PTPRK: variants seen among roughly 807,000 people sequenced by gnomAD.
The protein encoded by PTPRK is receptor-type tyrosine-protein phosphatase kappa.
Under a neutral mutation model 178.0 loss-of-function variants are expected in PTPRK, and 75 were observed. The observed-to-expected ratio is 0.42, with a 90% CI of 0.35 to 0.51. PTPRK has a LOEUF of 0.51. Among genes scored for constraint, PTPRK ranks in the 20% least tolerant of loss-of-function variants. The pLI, the probability that PTPRK is intolerant of heterozygous loss-of-function variation, is 0.02. For synonymous variants in PTPRK, 637 were observed against 620.6 expected, an observed-to-expected ratio of 1.03 and a Z score of -0.39; for missense variants, 1,441 against 1,797.8, an observed-to-expected ratio of 0.80 and a Z score of 3.59.
chr6:127,998,669 T>G, intron 16 of PTPRK, 51 bp downstream of exon 16: 1 of 1,432,548 alleles, frequency 7.0e-7, no homozygotes, highest in Non-Finnish European at 9.4e-7. Flanking sequence ...TAAATTCCAC[T>G]GAGTATCATA....
At chr6:128,476,100 C>T (rs921831156) in intron 1 of PTPRK, among the ~76,000 whole-genome samples, 6 of 152,016 alleles carry the variant, frequency 3.9e-5, no homozygotes, top group South Asian at 2.1e-4. Context: ...AGGACATTCA[C>T]AGTACAGATT....
rs1026535088 is a variant in PTPRK, at chr6:127,970,314, C to T, written c.4270-34G>A. The T allele has an allele frequency of 2.6e-6, 4 of 1,567,948 alleles. No individual in the cohort carries two copies. In the African/African-American group the frequency reaches 5.4e-5, roughly 21 times the overall value. On this transcript the variant is annotated intron_variant, in intron 29 of 29. Transcript: ENST00000368226. ...TGTCAAAACACAAAGAGTGAGAAAA[C>T]TTAAGAAAGAGACTAATGTTGAATA...
At chr6:128,184,836 A>G in intron 6 of PTPRK, 111 bp from the exon 7 acceptor site, 2 of 1,106,294 alleles carry the variant, frequency 1.8e-6, no homozygotes, top group African/African-American at 1.6e-5. Flanking sequence ...GAAATGCATA[A>G]TAAATACTTG....
At chr6:128,437,258 G>A (rs907842915) in intron 1 of PTPRK, among the ~76,000 whole-genome samples, 6 of 152,134 alleles carry the variant, frequency 3.9e-5, no homozygotes, top group South Asian at 2.1e-4. Context: ...AAAGATAAGC[G>A]TAATATAAGA....
Position 128,496,474 on chromosome 6 carries a change from T to C in PTPRK, c.100+23785A>G, listed in dbSNP as rs150384454. On this transcript the variant is annotated intron_variant, in intron 1 of 29. Transcript: ENST00000368226. ...CAGAATGTTGTAAATATGGTTAGCA[T>C]TTAATGAATATTTGATGAATAACCA... Among the ~76,000 whole-genome samples the C allele has an allele frequency of 5.1e-3, 779 of 152,326 alleles. 7 individuals are homozygous for C. The highest frequency in any genetic ancestry group is 0.018 in the African/African-American group (739 of 41,576).
At chr6:128,485,717 GA>G (rs1852729234) in intron 1 of PTPRK, among the ~76,000 whole-genome samples, 1 of 152,158 alleles carries the variant, frequency 6.6e-6, no homozygotes, top group African/African-American at 2.4e-5. Flanking sequence ...CACCACCAAA[GA>G]AAGGATTTCG....
intron 13 of PTPRK, among the ~76,000 whole-genome samples, chr6:128,048,237 C>G (rs1778399410): frequency 6.6e-6 from 1 of 152,134 alleles, no homozygotes; most frequent in African/African-American, 2.4e-5. Flanking sequence ...AATTCTTGGG[C>G]CTCTTTCCAG....
intron 5 of PTPRK, among the ~76,000 whole-genome samples, chr6:128,222,585 T>C (rs1810614543): frequency 6.6e-6 from 1 of 152,186 alleles, no homozygotes; most frequent in East Asian, 1.9e-4. Context: ...CTGTGACAGT[T>C]TCCTCTCGAA....
chr6:128,222,963 A>T (rs1395281243), intron 5 of PTPRK, among the ~76,000 whole-genome samples: 1 of 152,138 alleles, frequency 6.6e-6, no homozygotes, highest in Non-Finnish European at 1.5e-5. Context: ...CCATCAGCTC[A>T]TATATACTCT....
At position 128,299,618 on chromosome 6, in the gene PTPRK, C is replaced by T. The variant is rs1009128089; in HGVS notation, c.495+22421G>A. ...ACAAACCTGAGAAAAACAAGCAATG[C>T]GGAAAGGATTCCCTATTTAATAAAT... On this transcript the variant is annotated intron_variant, in intron 3 of 29. Transcript: ENST00000368226. 2.7e-4 allele frequency among the ~76,000 whole-genome samples: 41 copies of T among 151,082 alleles called. 1 individual carries two copies. The highest frequency in any genetic ancestry group is 4.2e-4 in the South Asian group (2 of 4,802).
intron 27 of PTPRK, among the ~76,000 whole-genome samples, chr6:127,975,990 T>A (rs911214003): frequency 8.6e-5 from 13 of 152,000 alleles, no homozygotes; most frequent in Admixed American, 8.5e-4. Flanking sequence ...CTTTTTTTTT[T>A]AAGATCTTCC....
At chr6:128,163,014 A>C (rs1302443789) in intron 7 of PTPRK, among the ~76,000 whole-genome samples, 2 of 151,476 alleles carry the variant, frequency 1.3e-5, no homozygotes, top group African/African-American at 2.4e-5. Flanking sequence ...TATGAATAAC[A>C]TTATGCTTAA....
chr6:128,510,527 TAG>T (rs1857013554), intron 1 of PTPRK, among the ~76,000 whole-genome samples: 1 of 152,180 alleles, frequency 6.6e-6, no homozygotes, highest in Admixed American at 6.5e-5. Context: ...TCAAAAATAG[TAG>T]AGTTAGTAGG....
intron 1 of PTPRK, among the ~76,000 whole-genome samples, chr6:128,484,581 G>A (rs1212588124): frequency 6.6e-6 from 1 of 151,998 alleles, no homozygotes; most frequent in African/African-American, 2.4e-5. Flanking sequence ...TGTCCCCATG[G>A]TTACAAGTAA....
At chr6:128,235,997 T>G (rs571169633) in intron 5 of PTPRK, among the ~76,000 whole-genome samples, 14 of 152,298 alleles carry the variant, frequency 9.2e-5, no homozygotes, top group African/African-American at 2.9e-4. Context: ...ATTTTATTAT[T>G]GTTAATCTCT....
At position 128,219,048 on chromosome 6, in the gene PTPRK, G is replaced by A; in HGVS notation, c.742C>T (p.His248Tyr). 6.2e-7 allele frequency: 1 copy of A among 1,613,956 alleles called. No individual in the cohort carries two copies. Among genetic ancestry groups the A allele is most frequent in the Non-Finnish European group, 8.5e-7 (1 of 1,179,856 alleles). Residue 248 changes from histidine (H) to tyrosine (Y), a missense_variant, in exon 6 of 30, where the codon CAT becomes TAT. Coordinates refer to ENST00000368226, the MANE Select transcript of PTPRK (RefSeq NM_002844.4). ...IPVAQTKNINHRRFAASFRLQ... is the reference protein window; with the variant it reads ...IPVAQTKNINYRRFAASFRLQ... ...CTGAAGGAAGCGGCAAACCTTCTAT[G>A]ATTGATGTTCTTAGTCTGGGCTACT...
chr6:128,017,802 G>GTGTGTATATATA (rs1287001811), intron 13 of PTPRK, among the ~76,000 whole-genome samples: 6 of 101,260 alleles, frequency 5.9e-5, no homozygotes, highest in African/African-American at 2.0e-4. Flanking sequence ...ATATATATGT[G>GTGTGTATATATA]TATATATATA....
At chr6:128,111,139 C>T (rs1479540255) in intron 7 of PTPRK, among the ~76,000 whole-genome samples, 2 of 152,140 alleles carry the variant, frequency 1.3e-5, no homozygotes, top group Admixed American at 6.6e-5. Flanking sequence ...ACTGCTATAA[C>T]CAAATATGAA....
At position 128,519,100 on chromosome 6, in the gene PTPRK, C is replaced by G. The variant is rs748005905; in HGVS notation, c.100+1159G>C. On this transcript the variant is annotated intron_variant, in intron 1 of 29. Transcript: ENST00000368226. The surrounding 1 kb of genome is among the most constrained non-coding windows in gnomAD (Gnocchi z 4.3). Reference sequence around the variant, plus strand: ...GGCCACCACTGCGTCTCCATCTGCACCGCGAACCCCAGCAGCAGATGCGCT... The same window carrying G: ...GGCCACCACTGCGTCTCCATCTGCAGCGCGAACCCCAGCAGCAGATGCGCT... 1.9e-6 allele frequency: 1 copy of G among 531,424 alleles called. No individual in the cohort carries two copies. The highest frequency in any genetic ancestry group is 3.9e-6 in the Non-Finnish European group (1 of 259,174). The allele number at this position is 531,424 out of a possible 1,614,324, so 32.9% of individuals were successfully genotyped here.
Sources: gnomAD v4.1 joint callset for allele counts (sites outside exome capture counted in the v4.1 genomes callset) on GRCh38, gnomAD v4.1.1 for gene constraint, Gnocchi (gnomAD v3.1) non-coding constraint, MANE v1.5 for transcripts, NCBI Gene and HGNC (gene_info 2026-07-23, HGNC 2026-07-21) for gene names.